Variants in MYOCD observed in about 807,000 individuals in gnomAD.
MYOCD encodes myocardin.
In MYOCD, 32 loss-of-function variants were observed where a neutral mutation model predicts 96.1. The ratio of observed to expected loss-of-function variants is 0.33; its 90% CI spans 0.25 to 0.45. The LOEUF is 0.45. Among genes scored for constraint, MYOCD ranks in the 20% least tolerant of loss-of-function variants. The pLI, the probability that MYOCD is intolerant of heterozygous loss-of-function variation, is 1.00. For missense variants in MYOCD, 1,133 were observed against 1,200.6 expected (o/e 0.94, Z 0.83); for synonymous variants, 469 against 469.0 (o/e 1.00, Z 0.00).
chr17:12,757,900 C>T (rs554248928), intron 11 of MYOCD, among the ~76,000 whole-genome samples, 185 bp from the exon 12 acceptor site: 1 of 152,154 alleles, frequency 6.6e-6, no homozygotes, highest in African/African-American at 2.4e-5. Context: ...TAAGACGCCA[C>T]CACCAATGAA....
In MYOCD at chr17:12,768,425, C is replaced by G. The variant is rs546725115; in HGVS notation, c.*4781C>G. On this transcript the variant is annotated 3_prime_UTR_variant, in exon 14 of 14. Transcript: ENST00000425538. ...GTTCCCTTTTGATTCTGGGAATCAG[C>G]GATTTTCCCTGTGGATTAAGACAAA... 2.3e-4 allele frequency: 35 copies of G among 152,234 alleles called. No homozygotes were observed. The highest frequency in any genetic ancestry group is 7.9e-4 in the African/African-American group (33 of 41,538). 9.4% of individuals were successfully genotyped at this position (152,234 alleles called of 1,614,324 possible). A position where few individuals can be genotyped will look rare whatever the true frequency, so the allele number is the denominator to read the frequency against.
chr17:12,753,239 T>A lies in MYOCD; in HGVS notation c.1951T>A (p.Leu651Met), dbSNP rs553771338. The A allele has an allele frequency of 1.4e-5, 22 of 1,613,992 alleles. No homozygotes were observed. Among genetic ancestry groups the A allele is most frequent in the Non-Finnish European group, 1.8e-5 (21 of 1,180,010 alleles). The change falls in exon 10 of 14, where the codon TTG (leucine) becomes ATG (methionine). Residue 651 changes from leucine to methionine, a missense_variant. Leu to Met is a conservative substitution (Grantham distance 15). Coordinates refer to ENST00000425538, the MANE Select transcript of MYOCD (RefSeq NM_001146312.3). ...GAVKSPQHIS[L>M]PPSPNNPHFL... ...TGTGAAAAGCCCACAGCACATCAGTTTGCCCCCATCACCCAACAACCCTCA... is the reference window on the plus strand; with the variant it reads ...TGTGAAAAGCCCACAGCACATCAGTATGCCCCCATCACCCAACAACCCTCA...
chr17:12,725,472 A>C (rs978418726), intron 5 of MYOCD, among the ~76,000 whole-genome samples: 3 of 148,570 alleles, frequency 2.0e-5, no homozygotes, highest in Non-Finnish European at 4.5e-5. Flanking sequence ...AATAATATAT[A>C]TCTTATACAA....
At position 12,736,212 on chromosome 17, in the gene MYOCD, A is replaced by G. The variant is rs1352143428; in HGVS notation, c.467A>G (p.Asp156Gly). 1.2e-6 allele frequency: 2 copies of G among 1,614,062 alleles called. No individual in the cohort carries two copies. Among genetic ancestry groups the G allele is most frequent in the Non-Finnish European group, 8.5e-7 (1 of 1,180,036 alleles). Residue 156 changes from aspartate (D) to glycine (G), a missense_variant, in exon 6 of 14, where the codon GAC (aspartate) becomes GGC (glycine). Asp to Gly is a moderately conservative substitution (Grantham distance 94). Coordinates refer to ENST00000425538, the MANE Select transcript of MYOCD (RefSeq NM_001146312.3). ...KSTDAFAFEE[D>G]SSSDGLSPDQ... is the part of the protein sequence containing the mutation. ...ACGGATGCTTTTGCCTTTGAAGAGG[A>G]CAGCAGCAGCGATGGGCTTTCTCCG...
intron 5 of MYOCD, among the ~76,000 whole-genome samples, chr17:12,728,820 C>T (rs970965583): frequency 2.0e-5 from 3 of 152,174 alleles, no homozygotes; most frequent in Non-Finnish European, 4.4e-5. Context: ...AATATATAGC[C>T]CCATTGTCAA....
intron 1 of MYOCD, among the ~76,000 whole-genome samples, chr17:12,696,568 A>G (rs1369618813): frequency 2.0e-5 from 3 of 152,100 alleles, no homozygotes; most frequent in Admixed American, 2.0e-4. Context: ...CTCCATATCC[A>G]TGCCACCACT....
chr17:12,686,076 G>A (rs536917166), intron 1 of MYOCD, among the ~76,000 whole-genome samples: 39 of 152,264 alleles, frequency 2.6e-4, no homozygotes, highest in African/African-American at 7.9e-4. Context: ...ATCTTGCAGC[G>A]TTTTCCTGTC....
chr17:12,749,032 A>G (rs903633304), intron 9 of MYOCD, among the ~76,000 whole-genome samples: 2 of 152,232 alleles, frequency 1.3e-5, no homozygotes, highest in African/African-American at 4.8e-5. Context: ...GCATATAAAC[A>G]TTTTGTTTTA....
In MYOCD at chr17:12,736,219, C is replaced by G; in HGVS notation, c.474C>G (p.Ser158Arg). 6.2e-7 allele frequency: 1 copy of G among 1,614,174 alleles called. No homozygotes were observed. Among genetic ancestry groups the G allele is most frequent in the Non-Finnish European group, 8.5e-7 (1 of 1,180,022 alleles). Residue 158 changes from serine to arginine, a missense_variant, in exon 6 of 14, where the codon AGC (serine) becomes AGG (arginine). Coordinates refer to ENST00000425538, the MANE Select transcript of MYOCD (RefSeq NM_001146312.3). ...TDAFAFEEDS[S>R]SDGLSPDQTR... ...CTTTTGCCTTTGAAGAGGACAGCAG[C>G]AGCGATGGGCTTTCTCCGGATCAGA...
intron 1 of MYOCD, among the ~76,000 whole-genome samples, chr17:12,683,064 C>T (rs998499632): frequency 6.6e-6 from 1 of 152,304 alleles, no homozygotes; most frequent in East Asian, 1.9e-4. Flanking sequence ...GATTTGAACA[C>T]TCTCAGGCTA....
intron 1 of MYOCD, among the ~76,000 whole-genome samples, chr17:12,681,021 C>A: frequency 6.6e-6 from 1 of 152,114 alleles, no homozygotes; most frequent in East Asian, 1.9e-4. Context: ...TACAGTCCTC[C>A]CATCCATAGA....
At chr17:12,697,359 A>ATATATATATATATTTTTT (rs1427225443) in intron 1 of MYOCD, among the ~76,000 whole-genome samples, 1 of 75,738 alleles carries the variant, frequency 1.3e-5, no homozygotes, top group African/African-American at 6.0e-5. Context: ...ATATATATAT[A>ATATATATATATATTTTTT]TTTTTTTTTT....
At chr17:12,687,638 A>G (rs1210829045) in intron 1 of MYOCD, among the ~76,000 whole-genome samples, 1 of 152,244 alleles carries the variant, frequency 6.6e-6, no homozygotes. Flanking sequence ...TTAAATATAA[A>G]TTAATTTATG....
At chr17:12,737,948 A>AT (rs1408221951) in intron 6 of MYOCD, among the ~76,000 whole-genome samples, 6 of 152,122 alleles carry the variant, frequency 3.9e-5, no homozygotes, top group African/African-American at 1.4e-4. Flanking sequence ...TAATCAAAGC[A>AT]TTTTTCCTTC....
intron 1 of MYOCD, among the ~76,000 whole-genome samples, chr17:12,667,710 T>C (rs753487622): frequency 1.3e-5 from 2 of 152,196 alleles, no homozygotes; most frequent in Non-Finnish European, 2.9e-5. Flanking sequence ...AAAACGCTTA[T>C]CAATCCCTCC....
intron 9 of MYOCD, among the ~76,000 whole-genome samples, chr17:12,749,897 T>G (rs909396010): frequency 5.3e-5 from 8 of 151,982 alleles, no homozygotes; most frequent in Non-Finnish European, 8.8e-5. Flanking sequence ...TCGCCCAGGC[T>G]GGAGTGCAGT....
chr17:12,719,266 G>A (rs1368940195), intron 4 of MYOCD, among the ~76,000 whole-genome samples: 1 of 147,018 alleles, frequency 6.8e-6, no homozygotes. Flanking sequence ...TGTGGCAAGA[G>A]TTACATGCGT....
intron 7 of MYOCD, among the ~76,000 whole-genome samples, chr17:12,743,460 T>C (rs1182195072): frequency 6.7e-6 from 1 of 150,306 alleles, no homozygotes; most frequent in Non-Finnish European, 1.5e-5. Context: ...TAACTAAAAG[T>C]GACTGCACAT....
At chr17:12,740,293 C>T (rs1202554378) in intron 7 of MYOCD, among the ~76,000 whole-genome samples, 1 of 152,180 alleles carries the variant, frequency 6.6e-6, no homozygotes, top group African/African-American at 2.4e-5. Context: ...GTACACTGTA[C>T]ACAATACGGA....
Sources: gnomAD v4.1 joint callset for allele counts (sites outside exome capture counted in the v4.1 genomes callset) on GRCh38, gnomAD v4.1.1 for gene constraint, MANE v1.5 for transcripts, NCBI Gene and HGNC (gene_info 2026-07-23, HGNC 2026-07-21) for gene names.